The following RNF180 variants were observed in gnomAD, a reference collection of about 807,000 sequenced individuals.
RNF180 encodes the protein E3 ubiquitin-protein ligase RNF180.
In RNF180, 38 loss-of-function variants were observed where a neutral mutation model predicts 59.2. The ratio of observed to expected loss-of-function variants is 0.64; its 90% confidence interval spans 0.50 to 0.84. The LOEUF (loss-of-function observed/expected upper bound fraction) is 0.84, where lower values mean the gene tolerates loss of function less well. Ranked by LOEUF, RNF180 falls within the 40% of genes least tolerant of loss-of-function variation. The pLI is 0.00. For missense variants in RNF180, 705 were observed against 700.9 expected, an observed-to-expected ratio of 1.01 and a Z score of -0.07; for synonymous variants, 262 against 240.3, an observed-to-expected ratio of 1.09 and a Z score of -0.84.
chr5:64,192,903 G>GTGTGTGTATATATATATA (rs1486448173), intron 1 of RNF180, among the ~76,000 whole-genome samples: 1 of 93,868 alleles, frequency 1.1e-5, no homozygotes, highest in African/African-American at 4.1e-5. Context: ...AGTGTGGCAT[G>GTGTGTGTATATATATATA]TATATATATA....
At chr5:64,313,933 T>C (rs1486049855) in intron 5 of RNF180, among the ~76,000 whole-genome samples, 1 of 152,140 alleles carries the variant, frequency 6.6e-6, no homozygotes, top group African/African-American at 2.4e-5. Flanking sequence ...TCAAATGCTT[T>C]TTGGCCATGT....
chr5:64,255,932 G>A (rs1477939554), intron 5 of RNF180, among the ~76,000 whole-genome samples: 1 of 152,144 alleles, frequency 6.6e-6, no homozygotes, highest in African/African-American at 2.4e-5. Flanking sequence ...GTTTTGATTT[G>A]CATTTCTCTG....
At chr5:64,221,508 G>A (rs1164602502) in intron 5 of RNF180, among the ~76,000 whole-genome samples, 2 of 151,786 alleles carry the variant, frequency 1.3e-5, no homozygotes, top group African/African-American at 4.8e-5. Flanking sequence ...AAATACCTAG[G>A]GCATACTCAG....
intron 5 of RNF180, among the ~76,000 whole-genome samples, chr5:64,234,789 C>G (rs1315116289): frequency 2.0e-5 from 3 of 151,426 alleles, no homozygotes; most frequent in African/African-American, 2.4e-5. Context: ...TTAGTAGAGA[C>G]AGGGTTTCAC....
chr5:64,226,748 T>G (rs1383280653), intron 5 of RNF180, among the ~76,000 whole-genome samples: 1 of 152,110 alleles, frequency 6.6e-6, no homozygotes, highest in African/African-American at 2.4e-5. Context: ...CAGATATAGC[T>G]GGTAACAGAG....
chr5:64,183,545 T>G (rs1256654914), intron 1 of RNF180, among the ~76,000 whole-genome samples: 1 of 149,516 alleles, frequency 6.7e-6, no homozygotes, highest in African/African-American at 2.5e-5. Context: ...CCTCCCTGGT[T>G]CAAGCAATTC....
intron 4 of RNF180, among the ~76,000 whole-genome samples, chr5:64,214,750 G>T (rs373341358): frequency 6.6e-6 from 1 of 151,978 alleles, no homozygotes; most frequent in Admixed American, 6.6e-5. Flanking sequence ...GCAATTTTTC[G>T]CAATTCTAAT....
In RNF180 at chr5:64,169,165, G is replaced by A. The variant is rs536725587; in HGVS notation, c.-1+3212G>A. Among the ~76,000 whole-genome samples, 111 of 152,310 alleles carry A rather than the reference G, an allele frequency of 7.3e-4. 9 individuals carry two copies. Among genetic ancestry groups the A allele is most frequent in the Non-Finnish European group, 1.3e-4 (9 of 68,014 alleles). ...AGTTTCAGACTGATTATGTGGCACT[G>A]AGCATGAGTGACTCCCTTTTGGTTT... On this transcript the variant is annotated intron_variant, in intron 1 of 7. Coordinates refer to ENST00000389100, the MANE Select transcript of RNF180 (RefSeq NM_001113561.2).
chr5:64,224,071 G>A (rs1163511493), intron 5 of RNF180, among the ~76,000 whole-genome samples: 1 of 150,076 alleles, frequency 6.7e-6, no homozygotes, highest in Non-Finnish European at 1.5e-5. Flanking sequence ...GGGTGTGTGT[G>A]TGTGTGTGTG....
At position 64,369,860 on chromosome 5, in the gene RNF180, T is replaced by C; in HGVS notation, c.*46T>C. On this transcript the variant is annotated 3_prime_UTR_variant, in exon 8 of 8. Transcript: ENST00000389100. ...ATTGACCAATCATAAATGATGTAAA[T>C]AACAATTGCTTAAACATTTTTAAAT... 9.6e-7 allele frequency: 1 copy of C among 1,039,234 alleles called. No individual in the cohort carries two copies. The highest frequency in any genetic ancestry group is 1.3e-6 in the Non-Finnish European group (1 of 768,194). The allele number at this position is 1,039,234 out of a possible 1,614,324, so 64.4% of individuals were successfully genotyped here. A position where few individuals can be genotyped will look rare whatever the true frequency, so the allele number is the denominator to read the frequency against.
intron 7 of RNF180, among the ~76,000 whole-genome samples, chr5:64,331,964 C>T (rs1352210695): frequency 6.6e-6 from 1 of 152,084 alleles, no homozygotes; most frequent in Non-Finnish European, 1.5e-5. Context: ...CTCATCCAGC[C>T]ACAGCCACAC....
chr5:64,262,896 A>G (rs1458366600), intron 5 of RNF180, among the ~76,000 whole-genome samples: 1 of 152,152 alleles, frequency 6.6e-6, no homozygotes, highest in Non-Finnish European at 1.5e-5. Flanking sequence ...TCTCTGCCTA[A>G]CCAAAAACTC....
intron 7 of RNF180, among the ~76,000 whole-genome samples, chr5:64,347,611 TAAAAC>T (rs1370622496): frequency 1.3e-5 from 2 of 152,162 alleles, no homozygotes; most frequent in South Asian, 2.1e-4. Context: ...TATTATGACT[TAAAAC>T]AGATTAATAT....
At position 64,197,209 on chromosome 5, in the gene RNF180, T is replaced by C. The variant is rs145821979; in HGVS notation, c.1-3599T>C. Among the ~76,000 whole-genome samples, 530 of 152,340 alleles carry C rather than the reference T, an allele frequency of 3.5e-3. 2 individuals carry two copies. Among genetic ancestry groups the C allele is most frequent in the African/African-American group, 0.012 (481 of 41,584 alleles). On this transcript the variant is annotated intron_variant, in intron 1 of 7. Coordinates refer to ENST00000389100, the MANE Select transcript of RNF180 (RefSeq NM_001113561.2). Reference sequence around the variant, plus strand: ...TAAAAAATTTCAACCTAATCTGTTATAAATATGTTTCTCCATAGGGACTCA... The same window carrying C: ...TAAAAAATTTCAACCTAATCTGTTACAAATATGTTTCTCCATAGGGACTCA...
At chr5:64,286,591 C>CT (rs1561239619) in intron 5 of RNF180, among the ~76,000 whole-genome samples, 1 of 152,094 alleles carries the variant, frequency 6.6e-6, no homozygotes, top group Non-Finnish European at 1.5e-5. Context: ...CTCTTTATCA[C>CT]TTTTTTCAAG....
At chr5:64,335,433 T>A (rs1368124540) in intron 7 of RNF180, among the ~76,000 whole-genome samples, 1 of 152,100 alleles carries the variant, frequency 6.6e-6, no homozygotes, top group Non-Finnish European at 1.5e-5. Context: ...ATTTGAAAGA[T>A]CTTTGAAACT....
chr5:64,337,367 A>G (rs1301203177), intron 7 of RNF180, among the ~76,000 whole-genome samples: 1 of 152,062 alleles, frequency 6.6e-6, no homozygotes, highest in Non-Finnish European at 1.5e-5. Flanking sequence ...TTTATCTAGA[A>G]TCTTCCCCTT....
intron 1 of RNF180, among the ~76,000 whole-genome samples, chr5:64,181,682 A>G (rs758962681): frequency 2.0e-4 from 30 of 152,188 alleles, no homozygotes; most frequent in Non-Finnish European, 2.5e-4. Context: ...TTGACACCAA[A>G]GTCTGGGCAG....
At chr5:64,295,634 A>G (rs1182184978) in intron 5 of RNF180, among the ~76,000 whole-genome samples, 1 of 152,092 alleles carries the variant, frequency 6.6e-6, no homozygotes, top group Admixed American at 6.5e-5. Context: ...CTTCCTAATA[A>G]AGTAGTATCA....
Sources: gnomAD v4.1 joint callset for allele counts (sites outside exome capture counted in the v4.1 genomes callset) on GRCh38, gnomAD v4.1.1 for gene constraint, MANE v1.5 for transcripts, NCBI Gene and HGNC (gene_info 2026-07-23, HGNC 2026-07-21) for gene names.